The following ASTN2 variants were observed in gnomAD, a reference collection of about 807,000 sequenced individuals.
ASTN2 encodes the protein astrotactin 2.
Under a neutral mutation model 139.8 loss-of-function variants are expected in ASTN2, and 54 were observed. The ratio of observed to expected loss-of-function variants is 0.39; its 90% confidence interval spans 0.31 to 0.48. The LOEUF (loss-of-function observed/expected upper bound fraction) is 0.48, where lower values mean the gene tolerates loss of function less well. Among genes scored for constraint, ASTN2 ranks in the 20% least tolerant of loss-of-function variants. The pLI is 0.95. For synonymous variants in ASTN2, 756 were observed against 719.5 expected (o/e 1.05, Z -0.81); for missense variants, 1,565 against 1,725.1 (o/e 0.91, Z 1.64).
intron 13 of ASTN2, among the ~76,000 whole-genome samples, chr9:116,782,961 G>A (rs1830259295): frequency 6.6e-6 from 1 of 152,126 alleles, no homozygotes; most frequent in African/African-American, 2.4e-5. Context: ...GTTAGTGTAT[G>A]AGTTCAGTAG....
At chr9:116,983,668 C>G (rs916032408) in intron 7 of ASTN2, among the ~76,000 whole-genome samples, 6 of 152,206 alleles carry the variant, frequency 3.9e-5, no homozygotes, top group Non-Finnish European at 8.8e-5. Flanking sequence ...TTCTTTCCTT[C>G]CCTTTGTCTT....
intron 16 of ASTN2, among the ~76,000 whole-genome samples, chr9:116,658,595 T>C (rs554943074): frequency 7.2e-4 from 109 of 152,212 alleles, no homozygotes; most frequent in African/African-American, 2.5e-3. Flanking sequence ...GTCCCAAGCA[T>C]TGGGGACCGC....
At chr9:116,533,487 G>A (rs542578625) in intron 19 of ASTN2, among the ~76,000 whole-genome samples, 1 of 152,260 alleles carries the variant, frequency 6.6e-6, no homozygotes, top group East Asian at 1.9e-4. Flanking sequence ...GTATGATATT[G>A]GCTGTGGGTT....
chr9:116,829,826 C>G (rs1831752219), intron 11 of ASTN2, among the ~76,000 whole-genome samples: 1 of 152,106 alleles, frequency 6.6e-6, no homozygotes, highest in Admixed American at 6.6e-5. Flanking sequence ...AATTGGATAG[C>G]CATACACAGA....
rs571164360 is a variant in ASTN2, at chr9:117,177,626, A to G, written c.1016-36148T>C. 3.3e-5 allele frequency among the ~76,000 whole-genome samples: 5 copies of G among 152,314 alleles called. No individual in the cohort carries two copies. The East Asian group carries it at 9.6e-4, about 29-fold the overall frequency. On this transcript the variant is annotated intron_variant, in intron 3 of 22. Transcript: ENST00000313400. ...AAAAATCCTACTCTAGAAAGGAGTG[A>G]GCAAATTGCATCTTCTCAGTCATTG...
intron 11 of ASTN2, among the ~76,000 whole-genome samples, chr9:116,857,570 T>C (rs371300689): frequency 6.6e-6 from 1 of 152,172 alleles, no homozygotes; most frequent in Non-Finnish European, 1.5e-5. Flanking sequence ...ATGGGGCCAT[T>C]AGGTGTTGGA....
In ASTN2 at chr9:116,837,163, C is replaced by T. The variant is rs188752245; in HGVS notation, c.2041-16380G>A. Among the ~76,000 whole-genome samples the T allele has an allele frequency of 2.6e-5, 4 of 152,268 alleles. No individual in the cohort carries two copies. The East Asian group carries it at 7.7e-4, about 29-fold the overall frequency. ...ATTTCCTAGAGTCCACAAAAGGAGT[C>T]TGGGGAAGCAGGCTCTGTGCATCTG... On this transcript the variant is annotated intron_variant, in intron 11 of 22. Transcript: ENST00000313400.
chr9:117,394,825 G>A (rs747648120), intron 1 of ASTN2, among the ~76,000 whole-genome samples: 56 of 152,176 alleles, frequency 3.7e-4, no homozygotes, highest in Non-Finnish European at 7.1e-4. Context: ...AGCTGCTAGG[G>A]AATTTACTCT....
intron 5 of ASTN2, among the ~76,000 whole-genome samples, chr9:117,061,210 G>C (rs1332289991): frequency 6.6e-6 from 1 of 151,364 alleles, no homozygotes; most frequent in Non-Finnish European, 1.5e-5. Flanking sequence ...GAATTGCAGG[G>C]GCAGGTTGTA....
intron 1 of ASTN2, among the ~76,000 whole-genome samples, chr9:117,377,634 C>A (rs1830158322): frequency 6.6e-6 from 1 of 151,204 alleles, no homozygotes; most frequent in Non-Finnish European, 1.5e-5. Flanking sequence ...ATGCACATGG[C>A]AAGAAGCTAT....
intron 1 of ASTN2, among the ~76,000 whole-genome samples, chr9:117,408,986 A>C (rs531949337): frequency 3.0e-4 from 45 of 152,250 alleles, no homozygotes; most frequent in African/African-American, 1.1e-3. Flanking sequence ...CACCTCCCCC[A>C]AGACCCTTGT....
chr9:117,412,141 A>G (rs1321986549), intron 1 of ASTN2, among the ~76,000 whole-genome samples: 1 of 152,078 alleles, frequency 6.6e-6, no homozygotes. Flanking sequence ...GTCTCCCTAC[A>G]CAGCTCCTGC....
At chr9:116,590,626 C>G (rs1172390326) in intron 19 of ASTN2, among the ~76,000 whole-genome samples, 1 of 152,196 alleles carries the variant, frequency 6.6e-6, no homozygotes, top group East Asian at 1.9e-4. Context: ...TGGCCTGAAC[C>G]CTGGGGGCTG....
chr9:117,109,663 T>G (rs1455085426), intron 4 of ASTN2, among the ~76,000 whole-genome samples: 1 of 152,230 alleles, frequency 6.6e-6, no homozygotes, highest in Non-Finnish European at 1.5e-5. Context: ...AACTTAGTTC[T>G]TTACTTTCAT....
Position 117,214,424 on chromosome 9 carries a change from G to C in ASTN2, c.949C>G (p.Gln317Glu). 1 of 1,614,028 alleles carries C rather than the reference G, an allele frequency of 6.2e-7. No homozygotes were observed. Among genetic ancestry groups the C allele is most frequent in the South Asian group, 1.1e-5 (1 of 91,078 alleles). ...AGACTGTCCAGAGTGTGGGTCACCT[G>C]GCTGCCAAACTCGTCCTCGCGGGAG... The part of the protein sequence containing the change: ...HVSREDEFGS[Q>E]VTHTLDSLGH... The change falls in exon 3 of 23, where the codon CAG becomes GAG. Residue 317 changes from glutamine to glutamate, a missense_variant. Coordinates refer to ENST00000313400, the MANE Select transcript of ASTN2 (RefSeq NM_001365068.1).
chr9:117,000,448 G>A (rs1229199779), intron 7 of ASTN2, among the ~76,000 whole-genome samples: 1 of 152,222 alleles, frequency 6.6e-6, no homozygotes, highest in Non-Finnish European at 1.5e-5. Flanking sequence ...AGACCATATT[G>A]TCAAAGGTTT....
intron 1 of ASTN2, among the ~76,000 whole-genome samples, chr9:117,358,955 C>A (rs142913747): frequency 7.6e-4 from 116 of 152,242 alleles, no homozygotes; most frequent in African/African-American, 2.8e-3. Context: ...AAACGTTGAT[C>A]TCCAACATCG....
chr9:117,179,682 G>A (rs1487972320), intron 3 of ASTN2, among the ~76,000 whole-genome samples: 1 of 152,076 alleles, frequency 6.6e-6, no homozygotes, highest in African/African-American at 2.4e-5. Flanking sequence ...TCCTATGCTT[G>A]TTTCTCTCCT....
At chr9:116,668,375 G>A (rs1858998683) in intron 16 of ASTN2, among the ~76,000 whole-genome samples, 1 of 152,066 alleles carries the variant, frequency 6.6e-6, no homozygotes, top group Non-Finnish European at 1.5e-5. Context: ...TATTTTTGTA[G>A]AGATAGGGTT....
Sources: gnomAD v4.1 joint callset for allele counts (sites outside exome capture counted in the v4.1 genomes callset) on GRCh38, gnomAD v4.1.1 for gene constraint, MANE v1.5 for transcripts, NCBI Gene and HGNC (gene_info 2026-07-23, HGNC 2026-07-21) for gene names.